The following TEX14 variants were observed in gnomAD, a reference collection of about 807,000 sequenced individuals.
The protein encoded by TEX14 is inactive serine/threonine-protein kinase TEX14.
TEX14 carries 168 observed loss-of-function variants against 178.6 expected under a neutral mutation model. The observed-to-expected ratio is 0.94, with a 90% CI of 0.83 to 1.07. The LOEUF (loss-of-function observed/expected upper bound fraction) is 1.07, where lower values mean the gene tolerates loss of function less well. Ranked by LOEUF, TEX14 falls within the 50% of genes least tolerant of loss-of-function variation. The probability of loss-of-function intolerance (pLI) is 0.00; values close to 1 mark genes in which losing one functional copy is unlikely to be tolerated. For missense variants in TEX14, 1,730 were observed against 1,753.6 expected (o/e 0.99, Z 0.24); for synonymous variants, 626 against 634.1 (o/e 0.99, Z 0.19).
intron 1 of TEX14, among the ~76,000 whole-genome samples, chr17:58,669,090 G>A (rs1398828085): frequency 6.6e-6 from 1 of 152,150 alleles, no homozygotes; most frequent in Admixed American, 6.6e-5. Flanking sequence ...AGTGGCTCAT[G>A]CCTATAATCC....
At chr17:58,560,464 T>C (rs2044251959) in intron 29 of TEX14, among the ~76,000 whole-genome samples, 1 of 152,198 alleles carries the variant, frequency 6.6e-6, no homozygotes, top group South Asian at 2.1e-4. Context: ...CTAAAATAAG[T>C]GTAAAGGCAG....
At chr17:58,689,451 C>G (rs2047655271) in intron 1 of TEX14, among the ~76,000 whole-genome samples, 2 of 151,522 alleles carry the variant, frequency 1.3e-5, no homozygotes, top group Admixed American at 1.3e-4. Flanking sequence ...GATCTCTTGA[C>G]CTCATGATCC....
rs2047058899 is a variant in TEX14, at chr17:58,659,353, C to T, written c.-1-7351G>A. 5.1e-6 allele frequency: 5 copies of T among 983,074 alleles called. No homozygotes were observed. In the South Asian group the frequency reaches 1.4e-4, roughly 28 times the overall value. The allele number at this position is 983,074 out of a possible 1,614,324, so 60.9% of individuals were successfully genotyped here. ...CCTTACCATCGTCCTCAACACACAA[C>T]ATACTCATGGCAAATTGTATTATGA... is the stretch of plus-strand genomic sequence containing the variant. On this transcript the variant is annotated intron_variant, in intron 1 of 31. Coordinates refer to ENST00000349033, the MANE Select transcript of TEX14 (RefSeq NM_031272.5).
In TEX14 at chr17:58,648,786, CTTTTTTT is replaced by C. The variant is rs34918333; in HGVS notation, c.136+3073_136+3079del. ...TAATCCTGTGAATTTCTTTTTTTTT[CTTTTTTT>C]TTTTTTTTTTTTTTGAGACAGAGTC... is the stretch of plus-strand genomic sequence containing the variant. On this transcript the variant is annotated intron_variant, in intron 2 of 31. Coordinates refer to ENST00000349033, the MANE Select transcript of TEX14 (RefSeq NM_031272.5). Among the ~76,000 whole-genome samples the C allele has an allele frequency of 2.3e-4, 21 of 89,710 alleles. No homozygotes were observed. The East Asian group carries it at 5.2e-3, about 22-fold the overall frequency. The allele number at this position is 89,710 out of a possible 152,430, so 58.9% of individuals were successfully genotyped here. A position where few individuals can be genotyped will look rare whatever the true frequency, so the allele number is the denominator to read the frequency against.
At chr17:58,663,413 A>C (rs1422499336) in intron 1 of TEX14, among the ~76,000 whole-genome samples, 2 of 142,018 alleles carry the variant, frequency 1.4e-5, no homozygotes, top group Admixed American at 7.2e-5. Flanking sequence ...CAAGAGCAAA[A>C]CTCCGTCTCA....
At chr17:58,557,334 G>A (rs999490844) in intron 31 of TEX14, among the ~76,000 whole-genome samples, 1 of 151,126 alleles carries the variant, frequency 6.6e-6, no homozygotes. Context: ...GCAATGGCGC[G>A]ACCTCGGCTC....
intron 26 of TEX14, among the ~76,000 whole-genome samples, chr17:58,566,657 G>T (rs1183111202): frequency 6.6e-6 from 1 of 151,612 alleles, no homozygotes; most frequent in African/African-American, 2.4e-5. Context: ...AAATTAGCCG[G>T]GCATGGTGGC....
intron 13 of TEX14, 90 bp from the exon 14 acceptor site, chr17:58,599,756 CAAAAA>C (rs111881602): frequency 1.7e-5 from 12 of 717,952 alleles, no homozygotes; most frequent in Admixed American, 3.4e-5. Context: ...CAAAGACTGT[CAAAAA>C]AAAAAAAAAA....
intron 1 of TEX14, among the ~76,000 whole-genome samples, chr17:58,675,103 G>A (rs928012186): frequency 1.3e-5 from 2 of 151,194 alleles, no homozygotes; most frequent in Non-Finnish European, 2.9e-5. Context: ...CTGACATTGT[G>A]CCATTGCACT....
At chr17:58,674,864 G>T (rs1483659262) in intron 1 of TEX14, among the ~76,000 whole-genome samples, 1 of 150,530 alleles carries the variant, frequency 6.6e-6, no homozygotes, top group African/African-American at 2.4e-5. Flanking sequence ...AGGCAGGTAG[G>T]CCGGGCACGG....
chr17:58,636,654 G>T (rs569998590), intron 2 of TEX14, among the ~76,000 whole-genome samples: 3 of 152,178 alleles, frequency 2.0e-5, no homozygotes, highest in Non-Finnish European at 4.4e-5. Flanking sequence ...GGGGCCGGGG[G>T]TGGTGGCTCA....
chr17:58,602,654 G>C, intron 11 of TEX14, 64 bp from the exon 12 acceptor site: 1 of 1,335,028 alleles, frequency 7.5e-7, no homozygotes, highest in South Asian at 1.4e-5. Flanking sequence ...GGGGGGAAAA[G>C]AAATCAGATG....
At chr17:58,674,171 G>A (rs2047350994) in intron 1 of TEX14, among the ~76,000 whole-genome samples, 1 of 151,992 alleles carries the variant, frequency 6.6e-6, no homozygotes, top group African/African-American at 2.4e-5. Flanking sequence ...AGCTACTCGG[G>A]AGGCTAAGGC....
chr17:58,670,336 T>G (rs1285593340), intron 1 of TEX14, among the ~76,000 whole-genome samples: 1 of 151,852 alleles, frequency 6.6e-6, no homozygotes, highest in East Asian at 1.9e-4. Flanking sequence ...TATCCATCTA[T>G]CTATAGGATG....
Position 58,651,995 on chromosome 17 carries a change from G to A in TEX14, c.7C>T (p.Arg3Trp), listed in dbSNP as rs763953318. 3.0e-5 allele frequency: 48 copies of A among 1,578,628 alleles called. No individual in the cohort carries two copies. The highest frequency in any genetic ancestry group is 4.7e-5 in the South Asian group (4 of 84,282). ...CAGGGGACTGGAAGACGAACAGCCC[G>A]AGACATCCTGTTCCAAAAGAGAGCA... MS[R>W]AVRLPVPCPV... Residue 3 changes from arginine to tryptophan, a missense_variant, in exon 2 of 32, where the codon CGG becomes TGG. Physicochemically the swap from Arg to Trp is moderately radical, Grantham distance 101. This residue lies in a region of TEX14 where 789 missense variants were observed against 681.2 expected (regional missense o/e 1.16). Coordinates refer to ENST00000349033, the MANE Select transcript of TEX14 (RefSeq NM_031272.5).
intron 1 of TEX14, chr17:58,659,374 T>C: frequency 1.0e-6 from 1 of 977,870 alleles, no homozygotes; most frequent in Non-Finnish European, 1.2e-6. Context: ...CAAATTGTAT[T>C]ATGAGTTGTT....
chr17:58,622,996 T>C lies in TEX14; in HGVS notation c.268A>G (p.Ser90Gly). 1 of 1,598,112 alleles carries C rather than the reference T, an allele frequency of 6.3e-7. No homozygotes were observed. The highest frequency in any genetic ancestry group is 8.6e-7 in the Non-Finnish European group (1 of 1,166,584). ...AATGCTGCTGCATGGACAGGGGTGC[T>C]CCCATCAAAGCAGCGGCTGGGGAGG... ...SDPNHRCFDG[S>G]TPVHAAAFSG... Residue 90 changes from serine (S) to glycine (G), a missense_variant, in exon 4 of 32, where the codon AGC (serine) becomes GGC (glycine). Physicochemically the swap from Ser to Gly is moderately conservative, Grantham distance 56. Coordinates refer to ENST00000349033, the MANE Select transcript of TEX14 (RefSeq NM_031272.5).
At chr17:58,615,591 T>A (rs1363201571) in intron 7 of TEX14, among the ~76,000 whole-genome samples, 1 of 151,722 alleles carries the variant, frequency 6.6e-6, no homozygotes, top group Non-Finnish European at 1.5e-5. Flanking sequence ...CAGGTTTGTA[T>A]TCAAAAACAC....
intron 1 of TEX14, chr17:58,661,425 A>G: frequency 4.8e-6 from 4 of 828,290 alleles, no homozygotes; most frequent in South Asian, 1.3e-5. Context: ...TCAAGCTGCG[A>G]TAACATTTTG....
Sources: gnomAD v4.1 joint callset for allele counts (sites outside exome capture counted in the v4.1 genomes callset) on GRCh38, gnomAD v4.1.1 for gene constraint, gnomAD v4.1.1 regional missense constraint, MANE v1.5 for transcripts, NCBI Gene and HGNC (gene_info 2026-07-23, HGNC 2026-07-21) for gene names.